SORCS3: variants seen among roughly 807,000 people sequenced by gnomAD.
The protein encoded by SORCS3 is VPS10 domain-containing receptor SorCS3.
A neutral mutation model predicts 146.3 loss-of-function variants in SORCS3; 57 were observed. The ratio of observed to expected loss-of-function variants is 0.39; its 90% CI spans 0.31 to 0.49. The LOEUF is 0.49. Ranked by LOEUF, SORCS3 falls within the 20% of genes least tolerant of loss-of-function variation. The pLI is 0.92. For synonymous variants in SORCS3, 653 were observed against 618.5 expected, an observed-to-expected ratio of 1.06 and a Z score of -0.83; for missense variants, 1,341 against 1,575.5, an observed-to-expected ratio of 0.85 and a Z score of 2.52.
At chr10:105,013,370 T>G (rs2055146294) in intron 4 of SORCS3, among the ~76,000 whole-genome samples, 1 of 151,950 alleles carries the variant, frequency 6.6e-6, no homozygotes, top group Non-Finnish European at 1.5e-5. Flanking sequence ...AAATCAACAA[T>G]GTACTGGGAG....
chr10:105,016,971 A>C (rs1564735585), intron 4 of SORCS3, among the ~76,000 whole-genome samples: 1 of 152,244 alleles, frequency 6.6e-6, no homozygotes, highest in Non-Finnish European at 1.5e-5. Context: ...TCTTGGAATC[A>C]AGAGAGCAGT....
chr10:105,091,172 T>C (rs113483941), intron 6 of SORCS3, among the ~76,000 whole-genome samples: 8 of 123,896 alleles, frequency 6.5e-5, no homozygotes, highest in East Asian at 6.2e-4. Context: ...TCCCTTCCTT[T>C]CCTCCTTCCT....
intron 20 of SORCS3, among the ~76,000 whole-genome samples, chr10:105,228,679 C>T (rs2056748947): frequency 6.6e-6 from 1 of 152,090 alleles, no homozygotes. Context: ...ATCCTATTCT[C>T]TCCTGGTTTG....
At chr10:105,090,436 A>G (rs1349793837) in intron 6 of SORCS3, among the ~76,000 whole-genome samples, 1 of 152,222 alleles carries the variant, frequency 6.6e-6, no homozygotes, top group Non-Finnish European at 1.5e-5. Flanking sequence ...TCAGCTGTGT[A>G]CTTCTTACAC....
intron 2 of SORCS3, among the ~76,000 whole-genome samples, chr10:104,910,768 C>T (rs554150001): frequency 4.0e-4 from 61 of 152,352 alleles, no homozygotes; most frequent in African/African-American, 1.4e-3. Flanking sequence ...TGTGTGCACA[C>T]ACACGTGACA....
At chr10:105,076,587 G>T (rs189443177) in intron 5 of SORCS3, among the ~76,000 whole-genome samples, 4 of 152,274 alleles carry the variant, frequency 2.6e-5, no homozygotes, top group Non-Finnish European at 5.9e-5. Context: ...TGCTTTAGGA[G>T]ACACAGGGCC....
At chr10:105,134,555 G>GAAA (rs71022755) in intron 7 of SORCS3, among the ~76,000 whole-genome samples, 3 of 130,528 alleles carry the variant, frequency 2.3e-5, no homozygotes, top group Non-Finnish European at 4.9e-5. Flanking sequence ...GGACAAAAAG[G>GAAA]AAAAAAAAAA....
rs376440728 is a variant in SORCS3 at position 105,151,906 on chromosome 10, T to C, written c.1482+4110T>C. Among the ~76,000 whole-genome samples, 39 of 152,268 alleles carry C rather than the reference T, an allele frequency of 2.6e-4. 1 individual carries two copies. The South Asian group carries it at 8.1e-3, about 32-fold the overall frequency. Reference sequence around the variant, plus strand: ...GAAGGCCAAGTAATAATCTATCTCTTCTTTGAGATGTCAAGCCGACTCCTT... The same window carrying C: ...GAAGGCCAAGTAATAATCTATCTCTCCTTTGAGATGTCAAGCCGACTCCTT... On this transcript the variant is annotated intron_variant, in intron 9 of 26. Coordinates refer to ENST00000369701, the MANE Select transcript of SORCS3 (RefSeq NM_014978.3).
At chr10:104,706,201 C>CTTTTTTTTTTTTTTT (rs1162969172) in intron 1 of SORCS3, among the ~76,000 whole-genome samples, 2 of 85,874 alleles carry the variant, frequency 2.3e-5, no homozygotes, top group Non-Finnish European at 4.2e-5. Context: ...TTTTCTTCTT[C>CTTTTTTTTTTTTTTT]TTTTTTTTTT....
chr10:104,890,775 A>T (rs2018741698), intron 2 of SORCS3, among the ~76,000 whole-genome samples: 1 of 152,196 alleles, frequency 6.6e-6, no homozygotes, highest in Admixed American at 6.5e-5. Context: ...TATTTAGCAG[A>T]ATTCCTGTCC....
chr10:104,700,673 G>A (rs2016270022), intron 1 of SORCS3, among the ~76,000 whole-genome samples: 1 of 148,376 alleles, frequency 6.7e-6, no homozygotes. Flanking sequence ...GGTGGGTAGG[G>A]AGGGAGAGAT....
At chr10:104,719,148 C>T (rs1418296162) in intron 1 of SORCS3, among the ~76,000 whole-genome samples, 2 of 152,014 alleles carry the variant, frequency 1.3e-5, no homozygotes, top group Non-Finnish European at 2.9e-5. Context: ...CACCTAAGCC[C>T]ATCTCAATTC....
intron 16 of SORCS3, among the ~76,000 whole-genome samples, chr10:105,208,295 C>T (rs895979302): frequency 1.3e-5 from 2 of 150,462 alleles, no homozygotes; most frequent in Non-Finnish European, 2.9e-5. Flanking sequence ...GATCTGAGAT[C>T]GCGTCCCTGC....
At chr10:104,860,112 A>G (rs1386172275) in intron 2 of SORCS3, among the ~76,000 whole-genome samples, 6 of 123,834 alleles carry the variant, frequency 4.8e-5, no homozygotes, top group Non-Finnish European at 1.0e-4. Context: ...ATAAAGACAC[A>G]TGCACACATA....
At chr10:105,050,929 G>T (rs1327277445) in intron 5 of SORCS3, among the ~76,000 whole-genome samples, 1 of 151,918 alleles carries the variant, frequency 6.6e-6, no homozygotes, top group African/African-American at 2.4e-5. Flanking sequence ...CATTGTTTGG[G>T]TGTGTCCTTG....
intron 1 of SORCS3, among the ~76,000 whole-genome samples, chr10:104,647,614 G>T (rs372650521): frequency 7.7e-4 from 117 of 152,272 alleles, no homozygotes; most frequent in African/African-American, 2.3e-3. Flanking sequence ...AGCATGTGCC[G>T]TAGGGTAGTA....
intron 20 of SORCS3, among the ~76,000 whole-genome samples, chr10:105,224,262 C>T (rs984779975): frequency 2.0e-5 from 3 of 152,176 alleles, no homozygotes; most frequent in Admixed American, 2.0e-4. Context: ...CTCCTTAATC[C>T]TTGGCAACCA....
chr10:104,646,755 C>T (rs992690773), intron 1 of SORCS3, among the ~76,000 whole-genome samples: 5 of 151,978 alleles, frequency 3.3e-5, no homozygotes, highest in Non-Finnish European at 5.9e-5. Flanking sequence ...AGAAAAGAGG[C>T]CTTGTGGAGG....
At chr10:104,718,690 T>A (rs1329234559) in intron 1 of SORCS3, among the ~76,000 whole-genome samples, 3 of 151,916 alleles carry the variant, frequency 2.0e-5, no homozygotes, top group Non-Finnish European at 4.4e-5. Flanking sequence ...AGGAATTAGG[T>A]GTGTTGAGTG....
Sources: gnomAD v4.1 joint callset for allele counts (sites outside exome capture counted in the v4.1 genomes callset) on GRCh38, gnomAD v4.1.1 for gene constraint, MANE v1.5 for transcripts, NCBI Gene and HGNC (gene_info 2026-07-23, HGNC 2026-07-21) for gene names.